STEAP3: variants seen among roughly 807,000 people sequenced by gnomAD.
The protein encoded by STEAP3 is metalloreductase STEAP3.
In STEAP3, 35 loss-of-function variants were observed where a neutral mutation model predicts 34.9. The observed-to-expected ratio is 1.00, with a 90% CI of 0.76 to 1.33. The LOEUF is 1.33. STEAP3 is among the 40% of genes most tolerant of loss of function. STEAP3 has a pLI of 0.00. For missense variants in STEAP3, 652 were observed against 667.6 expected, an observed-to-expected ratio of 0.98 and a Z score of 0.26; for synonymous variants, 281 against 301.6, an observed-to-expected ratio of 0.93 and a Z score of 0.71.
In STEAP3 at chr2:119,226,720, G is replaced by A. The variant is rs73948619; in HGVS notation, c.-394+2832G>A. ...TCCCGGGCCTCTTTGTGCTCCAACC[G>A]TCACATCCTTGGCATGCCACACACC... On this transcript the variant is annotated intron_variant, in intron 1 of 5. Transcript: ENST00000393110. Among the ~76,000 whole-genome samples the A allele has an allele frequency of 3.0e-3, 449 of 152,162 alleles. 2 individuals are homozygous for A. The highest frequency in any genetic ancestry group is 0.01 in the African/African-American group (434 of 41,488).
chr2:119,263,027 C>T, intron 5 of STEAP3, 30 bp from the exon 6 acceptor site: 1 of 1,594,958 alleles, frequency 6.3e-7, no homozygotes. Flanking sequence ...ATCCCCTCGC[C>T]CTCACTCCAG....
intron 2 of STEAP3, 141 bp downstream of exon 2, chr2:119,231,175 C>A: frequency 9.1e-7 from 1 of 1,093,100 alleles, no homozygotes. Context: ...CGACACCTCC[C>A]AGAGATCTGT....
chr2:119,257,597 T>C, intron 5 of STEAP3: 1 of 1,531,178 alleles, frequency 6.5e-7, no homozygotes, highest in Non-Finnish European at 8.8e-7. Flanking sequence ...CACTTGTGCC[T>C]GTGTCCACCC....
intron 2 of STEAP3, among the ~76,000 whole-genome samples, chr2:119,241,731 G>C (rs1478076505): frequency 1.3e-5 from 2 of 152,202 alleles, no homozygotes; most frequent in Non-Finnish European, 2.9e-5. Flanking sequence ...CCCTGGAAGG[G>C]AGCAGATGCC....
In STEAP3 at chr2:119,252,185, C is replaced by T. The variant is rs1227942658; in HGVS notation, c.1051-2499C>T. ...ACAGCCATTTATTACATTAAGTGCC[C>T]ACTGTGTGCCTGTTCCATGCTACTC... On this transcript the variant is annotated intron_variant, in intron 4 of 5. Coordinates refer to ENST00000393110, the MANE Select transcript of STEAP3 (RefSeq NM_182915.3). Among the ~76,000 whole-genome samples the T allele has an allele frequency of 2.0e-5, 3 of 152,204 alleles. No homozygotes were observed. The East Asian group carries it at 5.8e-4, about 29-fold the overall frequency.
At chr2:119,232,795 C>T (rs1406641001) in intron 2 of STEAP3, among the ~76,000 whole-genome samples, 2 of 151,962 alleles carry the variant, frequency 1.3e-5, no homozygotes, top group African/African-American at 4.8e-5. Flanking sequence ...GAGTAGGGCC[C>T]CCCACCACCT....
At position 119,245,969 on chromosome 2, in the gene STEAP3, C is replaced by A. The variant is rs374629672; in HGVS notation, c.503C>A (p.Pro168Gln). The A allele has an allele frequency of 1.7e-5, 28 of 1,612,740 alleles. No individual in the cohort carries two copies. In the African/African-American group the frequency reaches 3.6e-4, roughly 21 times the overall value. The change falls in exon 3 of 6, where the codon CCA becomes CAA. Residue 168 changes from proline (P) to glutamine (Q), a missense_variant. Pro to Gln is a moderately conservative substitution (Grantham distance 76). Transcript: ENST00000393110. ...TCTGCCTGGACCCTGCAGGCTGGCC[C>A]AAGGGATGGTAACAGGCAGGTAGGT... is the stretch of plus-strand genomic sequence containing the variant. The part of the protein sequence containing the change: ...VISAWTLQAG[P>Q]RDGNRQVPIC...
At chr2:119,227,352 G>A (rs974294505) in intron 1 of STEAP3, among the ~76,000 whole-genome samples, 3 of 152,344 alleles carry the variant, frequency 2.0e-5, no homozygotes, top group Admixed American at 1.3e-4. Flanking sequence ...TTCCTCTTCA[G>A]GTGTGGCCTG....
chr2:119,224,544 A>C (rs1475911646), intron 1 of STEAP3, among the ~76,000 whole-genome samples: 1 of 152,130 alleles, frequency 6.6e-6, no homozygotes, highest in Non-Finnish European at 1.5e-5. Flanking sequence ...GTGTGGTTGG[A>C]ACTTTGGTCA....
At chr2:119,253,432 T>A (rs1677683681) in intron 4 of STEAP3, among the ~76,000 whole-genome samples, 1 of 152,214 alleles carries the variant, frequency 6.6e-6, no homozygotes, top group Non-Finnish European at 1.5e-5. Context: ...GCCCAGTGGA[T>A]TCACTTTTAA....
At chr2:119,257,701 C>T (rs1208837945) in intron 5 of STEAP3, 2 of 1,410,072 alleles carry the variant, frequency 1.4e-6, no homozygotes, top group African/African-American at 3.0e-5. Context: ...AAGCTGCAAC[C>T]TTCTCCTTTA....
At chr2:119,242,592 G>A (rs1040675965) in intron 2 of STEAP3, among the ~76,000 whole-genome samples, 2 of 152,186 alleles carry the variant, frequency 1.3e-5, no homozygotes, top group South Asian at 2.1e-4. Flanking sequence ...CCCTACTGCT[G>A]GCACGGAGCT....
At chr2:119,257,018 T>C (rs1025066988) in intron 5 of STEAP3, among the ~76,000 whole-genome samples, 1 of 152,118 alleles carries the variant, frequency 6.6e-6, no homozygotes, top group Non-Finnish European at 1.5e-5. Context: ...CTGAGTTCAG[T>C]AGGAGACAGT....
At position 119,265,550 on chromosome 2, in the gene STEAP3, G is replaced by A. The variant is rs963105897; in HGVS notation, c.*2212G>A. On this transcript the variant is annotated 3_prime_UTR_variant, in exon 6 of 6. Transcript: ENST00000393110. ...GAAATCCCAAATGCCACAGTCTGAG[G>A]TTGATATCTAAAATCTATGCCTTCA... The A allele has an allele frequency of 1.3e-5, 2 of 152,078 alleles. No individual in the cohort carries two copies. The highest frequency in any genetic ancestry group is 1.3e-4 in the Admixed American group (2 of 15,274). 9.4% of individuals were successfully genotyped at this position (152,078 alleles called of 1,614,324 possible). A position where few individuals can be genotyped will look rare whatever the true frequency, so the allele number is the denominator to read the frequency against.
chr2:119,226,584 C>T lies in STEAP3; in HGVS notation c.-394+2696C>T, dbSNP rs542459579. Among the ~76,000 whole-genome samples the T allele has an allele frequency of 1.2e-4, 19 of 152,150 alleles. No homozygotes were observed. The South Asian group carries it at 3.5e-3, about 28-fold the overall frequency. On this transcript the variant is annotated intron_variant, in intron 1 of 5. Coordinates refer to ENST00000393110, the MANE Select transcript of STEAP3 (RefSeq NM_182915.3). ...ACTTGGAGAGGAGAGGGGCAGGGATCGGGGTTGGAGACTAGATGGTTTTCA... is the reference window on the plus strand; with the variant it reads ...ACTTGGAGAGGAGAGGGGCAGGGATTGGGGTTGGAGACTAGATGGTTTTCA...
chr2:119,246,014 T>A, intron 3 of STEAP3, 26 bp downstream of exon 3: 1 of 1,588,672 alleles, frequency 6.3e-7, no homozygotes. Flanking sequence ...ATAATACCCA[T>A]CGTAACAATA....
Position 119,248,146 on chromosome 2 carries a change from C to G in STEAP3, c.990C>G (p.Ser330Arg). 6.2e-7 allele frequency: 1 copy of G among 1,607,514 alleles called. No individual in the cohort carries two copies. The change falls in exon 4 of 6, where the codon AGC becomes AGG. Residue 330 changes from serine to arginine, a missense_variant. Coordinates refer to ENST00000393110, the MANE Select transcript of STEAP3 (RefSeq NM_182915.3). ...FFCAALHALY[S>R]FCLPLRRAHR... ...GCGCCGCCCTGCACGCCCTCTACAG[C>G]TTCTGCTTGCCGCTGCGCCGCGCCC...
At chr2:119,236,154 G>T (rs1278962726) in intron 2 of STEAP3, among the ~76,000 whole-genome samples, 1 of 152,202 alleles carries the variant, frequency 6.6e-6, no homozygotes, top group Non-Finnish European at 1.5e-5. Context: ...ACCGTGTATT[G>T]ATTTGGGTGC....
At chr2:119,231,640 G>A (rs1222088636) in intron 2 of STEAP3, among the ~76,000 whole-genome samples, 3 of 152,108 alleles carry the variant, frequency 2.0e-5, no homozygotes, top group Non-Finnish European at 4.4e-5. Context: ...GCGCGCACGT[G>A]TATTTCTGCG....
Sources: gnomAD v4.1 joint callset for allele counts (sites outside exome capture counted in the v4.1 genomes callset) on GRCh38, gnomAD v4.1.1 for gene constraint, MANE v1.5 for transcripts, NCBI Gene and HGNC (gene_info 2026-07-23, HGNC 2026-07-21) for gene names.